The following CCSER1 variants were observed in gnomAD, a reference collection of about 807,000 sequenced individuals.
CCSER1 encodes serine-rich coiled-coil domain-containing protein 1.
Under a neutral mutation model 82.0 loss-of-function variants are expected in CCSER1, and 41 were observed. The observed-to-expected ratio is 0.50, with a 90% CI of 0.39 to 0.65. The LOEUF (loss-of-function observed/expected upper bound fraction) is 0.65, where lower values mean the gene tolerates loss of function less well. Ranked by LOEUF, CCSER1 falls within the 30% of genes least tolerant of loss-of-function variation. The pLI is 0.00. For synonymous variants in CCSER1, 414 were observed against 383.9 expected (o/e 1.08, Z -0.92); for missense variants, 1,119 against 1,064.2 (o/e 1.05, Z -0.72).
At chr4:90,175,638 T>G (rs114141297) in intron 1 of CCSER1, among the ~76,000 whole-genome samples, 204 of 152,180 alleles carry the variant, frequency 1.3e-3, no homozygotes, top group African/African-American at 4.2e-3. Flanking sequence ...ATCTGAAATA[T>G]TCCAAAATCC....
intron 5 of CCSER1, among the ~76,000 whole-genome samples, chr4:90,547,840 T>C (rs1776961999): frequency 6.6e-6 from 1 of 152,180 alleles, no homozygotes; most frequent in Non-Finnish European, 1.5e-5. Context: ...AGGAAAATGA[T>C]TTGTGAAAAG....
intron 6 of CCSER1, among the ~76,000 whole-genome samples, chr4:90,716,263 G>A (rs1013747453): frequency 2.6e-5 from 4 of 151,804 alleles, no homozygotes; most frequent in Admixed American, 6.6e-5. Context: ...TTTGGACTAT[G>A]TGAATATGTT....
In CCSER1 at chr4:90,309,145, T is replaced by G; in HGVS notation, c.861T>G (p.Phe287Leu). ...GCATGGCATCCCACTGTGACAACTT[T>G]GGCCACAATGATTCTACCTCTCAGA... ...SGSMASHCDN[F>L]GHNDSTSQMS... The change falls in exon 2 of 11, where the codon TTT (phenylalanine) becomes TTG (leucine). Residue 287 changes from phenylalanine to leucine, a missense_variant. Coordinates refer to ENST00000509176, the MANE Select transcript of CCSER1 (RefSeq NM_001145065.2). 6.2e-7 allele frequency: 1 copy of G among 1,613,936 alleles called. No individual in the cohort carries two copies. The highest frequency in any genetic ancestry group is 8.5e-7 in the Non-Finnish European group (1 of 1,179,842).
In CCSER1 at chr4:91,110,506, A is replaced by G. The variant is rs1164420222; in HGVS notation, c.2217+24512A>G. Among the ~76,000 whole-genome samples, 3 of 152,152 alleles carry G rather than the reference A, an allele frequency of 2.0e-5. No homozygotes were observed. In the East Asian group the frequency reaches 5.8e-4, roughly 29 times the overall value. Reference sequence around the variant, plus strand: ...AGTGTAAAGCCACTTACTCAACACCACATCCCACACTGAATAGTGGCCTAT... The same window carrying G: ...AGTGTAAAGCCACTTACTCAACACCGCATCCCACACTGAATAGTGGCCTAT... On this transcript the variant is annotated intron_variant, in intron 10 of 10. Transcript: ENST00000509176.
intron 5 of CCSER1, among the ~76,000 whole-genome samples, chr4:90,531,396 C>CTTTTTTTTTTT (rs77768534): frequency 7.7e-6 from 1 of 130,202 alleles, no homozygotes; most frequent in African/African-American, 2.7e-5. Context: ...CTGCAGGTTT[C>CTTTTTTTTTTT]TTTTTTTTTT....
At chr4:90,617,522 A>G (rs1463812754) in intron 5 of CCSER1, among the ~76,000 whole-genome samples, 1 of 152,148 alleles carries the variant, frequency 6.6e-6, no homozygotes, top group African/African-American at 2.4e-5. Context: ...TCAAAGAAAA[A>G]TATATTGAAG....
chr4:90,263,573 G>T (rs535979148), intron 1 of CCSER1, among the ~76,000 whole-genome samples: 2 of 152,228 alleles, frequency 1.3e-5, no homozygotes, highest in South Asian at 4.1e-4. Context: ...AAGTCACACA[G>T]CCATTTTCTT....
intron 9 of CCSER1, among the ~76,000 whole-genome samples, chr4:91,084,862 G>A (rs1272061134): frequency 6.6e-6 from 1 of 151,814 alleles, no homozygotes; most frequent in African/African-American, 2.4e-5. Context: ...AAACAATCAA[G>A]AAATGATGAT....
At chr4:91,557,567 G>T (rs1762463483) in intron 10 of CCSER1, among the ~76,000 whole-genome samples, 1 of 151,396 alleles carries the variant, frequency 6.6e-6, no homozygotes, top group Non-Finnish European at 1.5e-5. Flanking sequence ...AGTAATATTG[G>T]AGTATAGATG....
Position 91,154,781 on chromosome 4 carries a change from A to G in CCSER1, c.2217+68787A>G, listed in dbSNP as rs1373102388. On this transcript the variant is annotated intron_variant, in intron 10 of 10. Coordinates refer to ENST00000509176, the MANE Select transcript of CCSER1 (RefSeq NM_001145065.2). ...ACAGAAAATTAAAATTGGGTCATTT[A>G]AAAATATTGATGCCTGATTTTATGT... 4.6e-5 allele frequency among the ~76,000 whole-genome samples: 7 copies of G among 152,138 alleles called. No individual in the cohort carries two copies. The East Asian group carries it at 9.6e-4, about 21-fold the overall frequency.
chr4:90,808,709 A>G (rs1163733110), intron 7 of CCSER1, among the ~76,000 whole-genome samples: 1 of 152,034 alleles, frequency 6.6e-6, no homozygotes, highest in African/African-American at 2.4e-5. Context: ...ATCCAGAATA[A>G]CCATTATTAA....
chr4:90,904,554 A>C (rs973330735), intron 8 of CCSER1, among the ~76,000 whole-genome samples: 1 of 152,180 alleles, frequency 6.6e-6, no homozygotes, highest in Non-Finnish European at 1.5e-5. Flanking sequence ...TCAATGAATC[A>C]TGACAGTGTG....
chr4:90,837,463 C>A lies in CCSER1; in HGVS notation c.2094+21618C>A, dbSNP rs543996254. 3.9e-5 allele frequency among the ~76,000 whole-genome samples: 6 copies of A among 152,236 alleles called. No individual in the cohort carries two copies. The East Asian group carries it at 1.2e-3, about 29-fold the overall frequency. The stretch of plus-strand genomic sequence containing the variant: ...TTTCCTGTGCAGCCCTCTGCAAATT[C>A]TTTTCCCAACCTATTTCTTTATCTG... On this transcript the variant is annotated intron_variant, in intron 8 of 10. Coordinates refer to ENST00000509176, the MANE Select transcript of CCSER1 (RefSeq NM_001145065.2).
chr4:91,592,420 A>G (rs1026879411), intron 10 of CCSER1, among the ~76,000 whole-genome samples: 1 of 152,138 alleles, frequency 6.6e-6, no homozygotes, highest in African/African-American at 2.4e-5. Flanking sequence ...TCACCTGGGT[A>G]CTGTAATGGG....
intron 4 of CCSER1, among the ~76,000 whole-genome samples, chr4:90,419,998 A>G (rs1324912837): frequency 6.6e-6 from 1 of 151,958 alleles, no homozygotes; most frequent in Non-Finnish European, 1.5e-5. Context: ...AGATATAAGG[A>G]TAGCTGTGCG....
intron 10 of CCSER1, among the ~76,000 whole-genome samples, chr4:91,583,140 A>G (rs1041246247): frequency 2.0e-5 from 3 of 151,472 alleles, no homozygotes; most frequent in African/African-American, 7.2e-5. Flanking sequence ...GGCTATGAGA[A>G]TAAATCCTTT....
intron 1 of CCSER1, among the ~76,000 whole-genome samples, chr4:90,190,378 C>T (rs953359645): frequency 6.6e-6 from 1 of 152,070 alleles, no homozygotes; most frequent in African/African-American, 2.4e-5. Context: ...GTAGTTGTTT[C>T]TTGCTGGTAA....
chr4:91,199,229 C>T (rs750050662), intron 10 of CCSER1, among the ~76,000 whole-genome samples: 1 of 151,992 alleles, frequency 6.6e-6, no homozygotes, highest in African/African-American at 2.4e-5. Flanking sequence ...AAATGAAAGT[C>T]GCATAGATAC....
intron 8 of CCSER1, among the ~76,000 whole-genome samples, chr4:90,853,378 G>A (rs1411705166): frequency 2.0e-5 from 3 of 152,102 alleles, no homozygotes; most frequent in African/African-American, 2.4e-5. Context: ...AAGCATTGAA[G>A]CATTGCTCCT....
Sources: allele counts gnomAD v4.1 joint callset (sites outside exome capture counted in the v4.1 genomes callset), GRCh38; gene constraint gnomAD v4.1.1; transcripts MANE v1.5; gene names NCBI Gene and HGNC (gene_info 2026-07-23, HGNC 2026-07-21).